HTR6: variants seen among roughly 807,000 people sequenced by gnomAD.
HTR6 encodes the protein 5-hydroxytryptamine (serotonin) receptor 6, G protein-coupled.
A neutral mutation model predicts 17.4 loss-of-function variants in HTR6; 15 were observed. The ratio of observed to expected loss-of-function variants is 0.86; its 90% CI spans 0.58 to 1.33. The LOEUF (loss-of-function observed/expected upper bound fraction) is 1.33. HTR6 is among the 40% of genes most tolerant of loss of function. The pLI is 0.00. For synonymous variants in HTR6, 326 were observed against 295.5 expected, an observed-to-expected ratio of 1.10 and a Z score of -1.06; for missense variants, 578 against 616.0, an observed-to-expected ratio of 0.94 and a Z score of 0.65.
intron 1 of HTR6, among the ~76,000 whole-genome samples, chr1:19,671,958 G>A (rs2095088839): frequency 6.6e-6 from 1 of 152,100 alleles, no homozygotes; most frequent in South Asian, 2.1e-4. Context: ...GGCAGAGTGA[G>A]GAGCTACCAG....
In HTR6 at chr1:19,666,021, G is replaced by A. The variant is rs199967878; in HGVS notation, c.268G>A (p.Gly90Arg). 1.9e-6 allele frequency: 3 copies of A among 1,613,668 alleles called. No homozygotes were observed. Among genetic ancestry groups the A allele is most frequent in the Admixed American group, 1.7e-5 (1 of 59,998 alleles). ...MPPAMLNALY[G>R]RWVLARGLCL... ...GCCGGCCATGCTGAACGCGCTGTAC[G>A]GGCGCTGGGTGCTGGCGCGCGGCCT... The change falls in exon 1 of 3, where the codon GGG becomes AGG. Residue 90 changes from glycine to arginine, a missense_variant. Gly to Arg is a moderately radical substitution (Grantham distance 125). Coordinates refer to ENST00000289753, the MANE Select transcript of HTR6 (RefSeq NM_000871.3). This position sits in a 1 kb window ranked among gnomAD's most constrained non-coding sequence, Gnocchi z 4.5.
At chr1:19,669,958 C>T (rs552764299) in intron 1 of HTR6, among the ~76,000 whole-genome samples, 1 of 152,236 alleles carries the variant, frequency 6.6e-6, no homozygotes, top group South Asian at 2.1e-4. Context: ...TTCCGCTCTT[C>T]CTCCCTTTCA....
chr1:19,679,746 ATGC>A lies in HTR6; in HGVS notation c.*381_*383del, dbSNP rs2095099330. Among the ~76,000 whole-genome samples the A allele has an allele frequency of 1.3e-5, 2 of 152,186 alleles. No individual in the cohort carries two copies. The highest frequency in any genetic ancestry group is 3.8e-4 in the East Asian group (2 of 5,196). ...TGCCCCCACCTGCAGGCATGGATTA[ATGC>A]TGGGCTGAACCCCTTGCTACTCACA... is the stretch of plus-strand genomic sequence containing the variant. On this transcript the variant is annotated 3_prime_UTR_variant, in exon 3 of 3. Transcript: ENST00000289753. The surrounding 1 kb of genome is among the most constrained non-coding windows in gnomAD (Gnocchi z 4.9).
Position 19,678,581 on chromosome 1 carries a change from A to G in HTR6, c.729A>G (p.Pro243=). 3.1e-6 allele frequency: 5 copies of G among 1,612,482 alleles called. No homozygotes were observed. Among genetic ancestry groups the G allele is most frequent in the Non-Finnish European group, 4.2e-6 (5 of 1,179,920 alleles). The stretch of plus-strand genomic sequence containing the variant: ...CCTTTCCGCAGGTGCCCAGGACCCC[A>G]CGCCCAGGGGTGGAGTCTGCTGACA... ...ASETLQVPRT[P]RPGVESADSR... Residue 243 remains proline, a synonymous_variant, in exon 2 of 3, where the codon CCA becomes CCG. Coordinates refer to ENST00000289753, the MANE Select transcript of HTR6 (RefSeq NM_000871.3).
In HTR6 at chr1:19,679,530, C is replaced by A. The variant is rs2095099106; in HGVS notation, c.*162C>A. On this transcript the variant is annotated 3_prime_UTR_variant, in exon 3 of 3. Coordinates refer to ENST00000289753, the MANE Select transcript of HTR6 (RefSeq NM_000871.3). This position sits in a 1 kb window ranked among gnomAD's most constrained non-coding sequence, Gnocchi z 4.9. ...CTGACCCCCTGCTGCCATCTCCAGG[C>A]CCCTTACCTGCAGGGATCATAGCTG... The A allele has an allele frequency of 2.0e-6, 2 of 1,010,978 alleles. No homozygotes were observed. Among genetic ancestry groups the A allele is most frequent in the Non-Finnish European group, 2.8e-6 (2 of 716,838 alleles). The allele number at this position is 1,010,978 out of a possible 1,614,324, so 62.6% of individuals were successfully genotyped here.
intron 1 of HTR6, among the ~76,000 whole-genome samples, chr1:19,674,406 CT>C (rs34322917): frequency 0.019 from 2,453 of 129,294 alleles, 28 homozygotes; most frequent in African/African-American, 0.052. Context: ...CCACTCTTCT[CT>C]TTTTTTTTTT....
Position 19,665,522 on chromosome 1 carries a change from C to A in HTR6, c.-232C>A. The A allele has an allele frequency of 2.2e-6, 1 of 444,658 alleles. No homozygotes were observed. The highest frequency in any genetic ancestry group is 5.6e-4 in the Middle Eastern group (1 of 1,776). The allele number at this position is 444,658 out of a possible 1,614,324, so 27.5% of individuals were successfully genotyped here. A position where few individuals can be genotyped will look rare whatever the true frequency, so the allele number is the denominator to read the frequency against. ...AACCCGTTTGCTCCAGGAGTTCCTG[C>A]CCCATCCCCGAGGGCGCCCAAATAG... On this transcript the variant is annotated 5_prime_UTR_variant, in exon 1 of 3. Transcript: ENST00000289753. This position sits in a 1 kb window ranked among gnomAD's most constrained non-coding sequence, Gnocchi z 4.2.
At chr1:19,669,730 T>C (rs2095085583) in intron 1 of HTR6, among the ~76,000 whole-genome samples, 1 of 152,198 alleles carries the variant, frequency 6.6e-6, no homozygotes, top group Non-Finnish European at 1.5e-5. Context: ...GTCTCGTAAC[T>C]GAAAATACCA....
chr1:19,672,150 G>A (rs1439826436), intron 1 of HTR6, among the ~76,000 whole-genome samples: 1 of 151,710 alleles, frequency 6.6e-6, no homozygotes, highest in Non-Finnish European at 1.5e-5. Flanking sequence ...TCCTCTTCCT[G>A]GCAGGATTTC....
intron 1 of HTR6, among the ~76,000 whole-genome samples, chr1:19,673,122 G>A (rs965055394): frequency 1.3e-5 from 2 of 152,220 alleles, no homozygotes; most frequent in Non-Finnish European, 2.9e-5. Flanking sequence ...TTATCAAACA[G>A]CTGAGCCAGA....
intron 1 of HTR6, among the ~76,000 whole-genome samples, chr1:19,667,363 G>A (rs966396090): frequency 6.6e-6 from 1 of 151,890 alleles, no homozygotes; most frequent in African/African-American, 2.4e-5. Context: ...TTGAATATAA[G>A]CTCCAGGAGG....
At position 19,680,374 on chromosome 1, in the gene HTR6, T is replaced by C. The variant is rs1279478395; in HGVS notation, c.*1006T>C. ...TGACTCTGGTTCCCCAACTCCCTGTTCTGGCTCCTGGGTGGGGACCCCATC... is the reference window on the plus strand; with the variant it reads ...TGACTCTGGTTCCCCAACTCCCTGTCCTGGCTCCTGGGTGGGGACCCCATC... On this transcript the variant is annotated 3_prime_UTR_variant, in exon 3 of 3. Transcript: ENST00000289753. Among the ~76,000 whole-genome samples, 3 of 152,210 alleles carry C rather than the reference T, an allele frequency of 2.0e-5. No homozygotes were observed. The highest frequency in any genetic ancestry group is 4.4e-5 in the Non-Finnish European group (3 of 68,038).
At chr1:19,670,369 C>G (rs1464641879) in intron 1 of HTR6, among the ~76,000 whole-genome samples, 1 of 151,988 alleles carries the variant, frequency 6.6e-6, no homozygotes, top group Non-Finnish European at 1.5e-5. Context: ...ACCTCCTACC[C>G]CCTGACGTGT....
At chr1:19,675,348 A>C (rs2095093009) in intron 1 of HTR6, among the ~76,000 whole-genome samples, 1 of 152,088 alleles carries the variant, frequency 6.6e-6, no homozygotes, top group African/African-American at 2.4e-5. Flanking sequence ...GGGGATGATA[A>C]TGCTGATTTG....
intron 1 of HTR6, among the ~76,000 whole-genome samples, chr1:19,670,311 CCCAGGTCCTCT>C (rs1443332554): frequency 6.6e-6 from 1 of 151,858 alleles, no homozygotes; most frequent in Non-Finnish European, 1.5e-5. Context: ...TCTCACCCTC[CCCAGGTCCTCT>C]CCAGTCCTCA....
In HTR6 at chr1:19,680,533, C is replaced by A. The variant is rs187994695; in HGVS notation, c.*1165C>A. Reference sequence around the variant, plus strand: ...GGGGGTCCTTGGACCTAGAAGGGAACAACTGATGGGGATAAACCCAGCCCC... The same window carrying A: ...GGGGGTCCTTGGACCTAGAAGGGAAAAACTGATGGGGATAAACCCAGCCCC... On this transcript the variant is annotated 3_prime_UTR_variant, in exon 3 of 3. Coordinates refer to ENST00000289753, the MANE Select transcript of HTR6 (RefSeq NM_000871.3). 1.6e-3 allele frequency among the ~76,000 whole-genome samples: 248 copies of A among 152,344 alleles called. 1 individual carries two copies. Among genetic ancestry groups the A allele is most frequent in the Non-Finnish European group, 1.7e-3 (119 of 68,036 alleles).
At chr1:19,667,281 T>A (rs2095082710) in intron 1 of HTR6, among the ~76,000 whole-genome samples, 2 of 152,172 alleles carry the variant, frequency 1.3e-5, no homozygotes, top group South Asian at 4.1e-4. Flanking sequence ...CAGGCCCATC[T>A]GCACTCTCCA....
intron 1 of HTR6, among the ~76,000 whole-genome samples, chr1:19,669,190 C>T (rs1315848793): frequency 6.6e-6 from 1 of 152,124 alleles, no homozygotes; most frequent in African/African-American, 2.4e-5. Context: ...ATCAGGATTC[C>T]TAGTTGCAGC....
Position 19,679,029 on chromosome 1 carries a change from G to A in HTR6, c.984G>A (p.Lys328=), listed in dbSNP as rs200343453. 1.2e-6 allele frequency: 2 copies of A among 1,614,150 alleles called. No homozygotes were observed. The highest frequency in any genetic ancestry group is 2.2e-5 in the South Asian group (2 of 91,090). The change falls in exon 3 of 3, where the codon AAG becomes AAA. Residue 328 remains lysine, a synonymous_variant. Transcript: ENST00000289753. This position sits in a 1 kb window ranked among gnomAD's most constrained non-coding sequence, Gnocchi z 4.9. ...ACCCACTCTTCATGCGGGACTTCAA[G>A]CGGGCGCTGGGCAGGTTCCTGCCAT... ...IIYPLFMRDF[K]RALGRFLPCP... is the part of the protein sequence containing the mutation.
Sources: gnomAD v4.1 joint callset for allele counts (sites outside exome capture counted in the v4.1 genomes callset) on GRCh38, gnomAD v4.1.1 for gene constraint, Gnocchi (gnomAD v3.1) non-coding constraint, MANE v1.5 for transcripts, NCBI Gene and HGNC (gene_info 2026-07-23, HGNC 2026-07-21) for gene names.